Variants in PRKN observed in about 807,000 individuals in gnomAD.
The protein encoded by PRKN is parkin RBR E3 ubiquitin protein ligase.
Under a neutral mutation model 59.5 loss-of-function variants are expected in PRKN, and 56 were observed. The ratio of observed to expected loss-of-function variants is 0.94; its 90% CI spans 0.76 to 1.18. The LOEUF (loss-of-function observed/expected upper bound fraction) is 1.18. Among genes scored for constraint, PRKN ranks in the 50% most tolerant of loss-of-function variants. The pLI is 0.00. For synonymous variants in PRKN, 250 were observed against 222.1 expected (o/e 1.13, Z -1.12); for missense variants, 657 against 596.4 (o/e 1.10, Z -1.06).
chr6:162,429,122 T>C (rs1554321553), intron 2 of PRKN, among the ~76,000 whole-genome samples: 1 of 152,210 alleles, frequency 6.6e-6, no homozygotes, highest in Non-Finnish European at 1.5e-5. Flanking sequence ...GAATACTGAC[T>C]ACAGAAGTAT....
intron 3 of PRKN, among the ~76,000 whole-genome samples, chr6:162,218,295 G>A (rs1444217458): frequency 6.6e-6 from 1 of 152,184 alleles, no homozygotes; most frequent in East Asian, 1.9e-4. Flanking sequence ...CCTGTGTGCA[G>A]CCTGTGTTCC....
At chr6:162,012,339 T>C (rs1782761661) in intron 5 of PRKN, among the ~76,000 whole-genome samples, 1 of 152,038 alleles carries the variant, frequency 6.6e-6, no homozygotes, top group South Asian at 2.1e-4. Flanking sequence ...CTATGTACAT[T>C]ATATAGAGAA....
rs1239130385 is a variant in PRKN, at chr6:161,538,856, C to G, written c.1083+9998G>C. 6.6e-6 allele frequency among the ~76,000 whole-genome samples: 1 copy of G among 152,156 alleles called. No individual in the cohort carries two copies. Among genetic ancestry groups the G allele is most frequent in the Non-Finnish European group, 1.5e-5 (1 of 68,034 alleles). On this transcript the variant is annotated intron_variant, in intron 9 of 11. Coordinates refer to ENST00000366898, the MANE Select transcript of PRKN (RefSeq NM_004562.3). The surrounding 1 kb of genome is among the most constrained non-coding windows in gnomAD (Gnocchi z 4.2). Reference sequence around the variant, plus strand: ...AATGTTGGACAAGCGAGAGAAATGCCTGTCACTCTAGTCCTGAGTGCTCAT... The same window carrying G: ...AATGTTGGACAAGCGAGAGAAATGCGTGTCACTCTAGTCCTGAGTGCTCAT...
chr6:162,449,325 A>G (rs1458116562), intron 1 of PRKN, among the ~76,000 whole-genome samples: 1 of 152,160 alleles, frequency 6.6e-6, no homozygotes, highest in Admixed American at 6.5e-5. Flanking sequence ...ATCCATCAAT[A>G]AATTTTGTTA....
At chr6:161,771,384 AAAT>A (rs1562670971) in intron 7 of PRKN, among the ~76,000 whole-genome samples, 3 of 146,636 alleles carry the variant, frequency 2.0e-5, no homozygotes, top group African/African-American at 7.7e-5. Flanking sequence ...AAATAAAATA[AAAT>A]AAAATAAAAT....
rs1562455616 is a variant in PRKN at position 161,447,165 on chromosome 6, GT to G, written c.1084-60289del. 2.0e-5 allele frequency among the ~76,000 whole-genome samples: 3 copies of G among 152,158 alleles called. No homozygotes were observed. The highest frequency in any genetic ancestry group is 4.4e-5 in the Non-Finnish European group (3 of 68,028). On this transcript the variant is annotated intron_variant, in intron 9 of 11. Transcript: ENST00000366898. The surrounding 1 kb of genome is among the most constrained non-coding windows in gnomAD (Gnocchi z 4.1). ...TCTTTCCTGCTACTAGGACAGTTAA[GT>G]CCCCCTGTGAAGTTAACCGAAAGCT...
intron 1 of PRKN, among the ~76,000 whole-genome samples, chr6:162,528,145 AC>A (rs1175128603): frequency 6.6e-6 from 1 of 151,830 alleles, no homozygotes; most frequent in African/African-American, 2.4e-5. Context: ...ACACGGTGAA[AC>A]CCTGTTTCTA....
At chr6:162,201,453 T>G (rs1336802740) in intron 3 of PRKN, among the ~76,000 whole-genome samples, 2 of 152,176 alleles carry the variant, frequency 1.3e-5, no homozygotes, top group African/African-American at 2.4e-5. Context: ...GTGAAATCTT[T>G]TCTCTCTCTT....
chr6:161,724,971 G>T (rs77535635), intron 7 of PRKN, among the ~76,000 whole-genome samples: 5,644 of 152,250 alleles, frequency 0.037, 114 homozygotes, highest in African/African-American at 0.06. Flanking sequence ...ATTTCAAAGT[G>T]TGTGGCACCT....
rs966932769 is a variant in PRKN, at chr6:161,402,548, C to G, written c.1084-15671G>C. Among the ~76,000 whole-genome samples the G allele has an allele frequency of 6.6e-6, 1 of 152,050 alleles. No individual in the cohort carries two copies. Among genetic ancestry groups the G allele is most frequent in the Non-Finnish European group, 1.5e-5 (1 of 68,010 alleles). On this transcript the variant is annotated intron_variant, in intron 9 of 11. Coordinates refer to ENST00000366898, the MANE Select transcript of PRKN (RefSeq NM_004562.3). The surrounding 1 kb of genome is among the most constrained non-coding windows in gnomAD (Gnocchi z 4.5). ...TGTGGGGGAGCAAAAGATGGCTTCC[C>G]TCTACCCTCCCAGGTTCTTTGGCTG...
intron 7 of PRKN, among the ~76,000 whole-genome samples, chr6:161,652,655 A>G (rs925317580): frequency 2.4e-4 from 36 of 152,314 alleles, no homozygotes; most frequent in African/African-American, 8.2e-4. Flanking sequence ...TTAAGAAATA[A>G]CTTATGTATG....
At chr6:162,294,770 A>G (rs1195728272) in intron 2 of PRKN, among the ~76,000 whole-genome samples, 1 of 152,174 alleles carries the variant, frequency 6.6e-6, no homozygotes, top group South Asian at 2.1e-4. Context: ...CAATAAAAAC[A>G]TAAAAGAAAA....
At position 161,601,406 on chromosome 6, in the gene PRKN, C is replaced by T. The variant is rs539251546; in HGVS notation, c.872-31990G>A. Among the ~76,000 whole-genome samples, 68 of 152,208 alleles carry T rather than the reference C, an allele frequency of 4.5e-4. 2 individuals carry two copies. The South Asian group carries it at 0.014, about 32-fold the overall frequency. Reference sequence around the variant, plus strand: ...AAGGGTACTAATCCAGTCATGTGGACTCTGCCCTCATGATCTTGTAACTCC... The same window carrying T: ...AAGGGTACTAATCCAGTCATGTGGATTCTGCCCTCATGATCTTGTAACTCC... On this transcript the variant is annotated intron_variant, in intron 7 of 11. Transcript: ENST00000366898.
At chr6:162,283,816 T>C (rs1781039151) in intron 2 of PRKN, among the ~76,000 whole-genome samples, 1 of 152,126 alleles carries the variant, frequency 6.6e-6, no homozygotes, top group East Asian at 1.9e-4. Context: ...TAAATGTTAC[T>C]GTATTAAAAG....
chr6:162,095,019 G>T lies in PRKN; in HGVS notation c.535-40845C>A, dbSNP rs960405795. ...GGGTACATGGACAGTCACACAGATG[G>T]AGAGATGGTAGGTGGACAGACTGAC... On this transcript the variant is annotated intron_variant, in intron 4 of 11. Coordinates refer to ENST00000366898, the MANE Select transcript of PRKN (RefSeq NM_004562.3). Among the ~76,000 whole-genome samples the T allele has an allele frequency of 3.9e-5, 6 of 152,274 alleles. No homozygotes were observed. In the East Asian group the frequency reaches 1.2e-3, roughly 29 times the overall value.
chr6:162,633,293 G>C (rs896071599), intron 1 of PRKN, among the ~76,000 whole-genome samples: 6 of 151,824 alleles, frequency 4.0e-5, no homozygotes, highest in African/African-American at 1.5e-4. Flanking sequence ...AAATTAGCCA[G>C]GCATGGTGGT....
intron 1 of PRKN, among the ~76,000 whole-genome samples, chr6:162,563,252 T>G (rs13209994): frequency 1.3e-5 from 2 of 150,944 alleles, no homozygotes; most frequent in Non-Finnish European, 2.9e-5. Context: ...TGCAGTGAGC[T>G]GAGATCGCGC....
chr6:162,682,631 C>G (rs1779815032), intron 1 of PRKN, among the ~76,000 whole-genome samples: 1 of 152,014 alleles, frequency 6.6e-6, no homozygotes, highest in Non-Finnish European at 1.5e-5. Flanking sequence ...ACTGTCAGGA[C>G]TGAAAAACTA....
intron 4 of PRKN, among the ~76,000 whole-genome samples, chr6:162,198,477 C>T (rs1190698151): frequency 6.6e-6 from 1 of 151,546 alleles, no homozygotes; most frequent in African/African-American, 2.4e-5. Context: ...TATATACATA[C>T]ATACATAAAA....
Sources: allele counts gnomAD v4.1 joint callset (sites outside exome capture counted in the v4.1 genomes callset), GRCh38; gene constraint gnomAD v4.1.1; non-coding constraint Gnocchi (gnomAD v3.1); transcripts MANE v1.5; gene names NCBI Gene and HGNC (gene_info 2026-07-23, HGNC 2026-07-21).